Variants in TAFA2 observed in about 807,000 individuals in gnomAD.
TAFA2 encodes the protein TAFA chemokine like family member 2.
In TAFA2, 7 loss-of-function variants were observed where a neutral mutation model predicts 18.8. The observed-to-expected ratio is 0.37, with a 90% CI of 0.21 to 0.70. The LOEUF is 0.70. Among genes scored for constraint, TAFA2 ranks in the 30% least tolerant of loss-of-function variants. TAFA2 has a pLI of 0.53. For missense variants in TAFA2, 122 were observed against 158.1 expected (o/e 0.77, Z 1.23); for synonymous variants, 60 against 54.2 (o/e 1.11, Z -0.47).
rs141445667 is a variant in TAFA2, at chr12:61,772,077, A to G, written c.107-17053T>C. On this transcript the variant is annotated intron_variant, in intron 2 of 4. Coordinates refer to ENST00000416284, the MANE Select transcript of TAFA2 (RefSeq NM_178539.5). ...AACTGATACCACAGAAATACAAAAG[A>G]TCACTTAAGGATACTATAAACACCT... Among the ~76,000 whole-genome samples, 45 of 152,098 alleles carry G rather than the reference A, an allele frequency of 3.0e-4. No individual in the cohort carries two copies. In the East Asian group the frequency reaches 3.9e-3, roughly 13 times the overall value.
At chr12:62,076,776 T>G (rs2136812586) in intron 1 of TAFA2, among the ~76,000 whole-genome samples, 1 of 152,120 alleles carries the variant, frequency 6.6e-6, no homozygotes, top group East Asian at 1.9e-4. Flanking sequence ...AAGAAAGATA[T>G]AATTGATTTC....
chr12:61,959,689 A>G (rs1878816221), intron 1 of TAFA2, among the ~76,000 whole-genome samples: 1 of 152,108 alleles, frequency 6.6e-6, no homozygotes, highest in Non-Finnish European at 1.5e-5. Flanking sequence ...GGAGGTGGAA[A>G]GAGAGAACAT....
chr12:62,120,225 C>T (rs1490772950), intron 1 of TAFA2, among the ~76,000 whole-genome samples: 1 of 152,082 alleles, frequency 6.6e-6, no homozygotes, highest in Non-Finnish European at 1.5e-5. Context: ...CTAAAATAGG[C>T]CCATCTATGT....
intron 2 of TAFA2, among the ~76,000 whole-genome samples, chr12:61,819,728 T>C (rs1398443088): frequency 6.6e-6 from 1 of 152,130 alleles, no homozygotes; most frequent in East Asian, 1.9e-4. Context: ...AAAATGCATG[T>C]TTACTATCTA....
intron 1 of TAFA2, among the ~76,000 whole-genome samples, chr12:61,914,051 C>T (rs1408742579): frequency 1.3e-5 from 2 of 152,138 alleles, no homozygotes; most frequent in African/African-American, 2.4e-5. Context: ...CCCAATTGAC[C>T]TAACCCAGGG....
intron 1 of TAFA2, among the ~76,000 whole-genome samples, chr12:62,141,104 A>C (rs2062236304): frequency 6.6e-6 from 1 of 152,164 alleles, no homozygotes. Context: ...CAGAGAAGTT[A>C]AGTAAATTGT....
intron 1 of TAFA2, chr12:61,879,530 G>C (rs1875021922): frequency 8.4e-6 from 6 of 717,112 alleles, no homozygotes; most frequent in Non-Finnish European, 1.3e-5. Context: ...GTCAACCAGA[G>C]CCTGCTGAGG....
chr12:61,934,009 G>T (rs1877665158), intron 1 of TAFA2, among the ~76,000 whole-genome samples: 1 of 152,204 alleles, frequency 6.6e-6, no homozygotes, highest in Non-Finnish European at 1.5e-5. Context: ...TTTCAGAAAG[G>T]TTAAGTGACT....
chr12:61,859,043 A>T (rs950566177), intron 2 of TAFA2, among the ~76,000 whole-genome samples: 1 of 152,250 alleles, frequency 6.6e-6, no homozygotes, highest in African/African-American at 2.4e-5. Flanking sequence ...CAGATATATT[A>T]GTCCATTTTC....
chr12:61,879,201 C>T (rs1411429027), intron 1 of TAFA2: 1 of 338,178 alleles, frequency 3.0e-6, no homozygotes. Flanking sequence ...ATTCTTCCAG[C>T]TTCAGGCCCA....
At chr12:61,996,585 A>G (rs1231191338) in intron 1 of TAFA2, among the ~76,000 whole-genome samples, 1 of 152,190 alleles carries the variant, frequency 6.6e-6, no homozygotes, top group Non-Finnish European at 1.5e-5. Flanking sequence ...CCAATGTACT[A>G]TACACCAATT....
chr12:62,217,077 G>A (rs2062738822), intron 1 of TAFA2, among the ~76,000 whole-genome samples: 1 of 152,122 alleles, frequency 6.6e-6, no homozygotes, highest in East Asian at 1.9e-4. Context: ...ACCATGCCTG[G>A]TATTCTGGTA....
intron 1 of TAFA2, among the ~76,000 whole-genome samples, chr12:62,111,625 T>C (rs940279717): frequency 6.6e-6 from 1 of 152,202 alleles, no homozygotes; most frequent in Non-Finnish European, 1.5e-5. Flanking sequence ...ATAGTGTAAG[T>C]CTCTTTGTAG....
At chr12:62,175,336 C>T (rs756766177) in intron 1 of TAFA2, among the ~76,000 whole-genome samples, 13 of 152,142 alleles carry the variant, frequency 8.5e-5, no homozygotes, top group Non-Finnish European at 1.3e-4. Flanking sequence ...GGCTACTTCT[C>T]TGGGCCTTGG....
At chr12:61,864,041 C>T (rs1387039325) in intron 2 of TAFA2, among the ~76,000 whole-genome samples, 2 of 152,148 alleles carry the variant, frequency 1.3e-5, no homozygotes, top group Non-Finnish European at 2.9e-5. Context: ...GCTTCACTTG[C>T]TCTCATTCTC....
chr12:62,155,270 T>A (rs1013761025), intron 1 of TAFA2, among the ~76,000 whole-genome samples: 7 of 151,978 alleles, frequency 4.6e-5, no homozygotes, highest in Non-Finnish European at 1.0e-4. Context: ...CAAGTAAAAC[T>A]ACAAAATAAT....
intron 1 of TAFA2, among the ~76,000 whole-genome samples, chr12:62,169,850 CAAAAAAAAA>C (rs11373929): frequency 7.8e-5 from 7 of 90,126 alleles, no homozygotes; most frequent in African/African-American, 2.9e-4. Context: ...GACTCCGTCT[CAAAAAAAAA>C]AAAAAAAAAA....
intron 1 of TAFA2, among the ~76,000 whole-genome samples, chr12:62,176,756 A>G (rs889367964): frequency 6.6e-5 from 10 of 152,234 alleles, no homozygotes; most frequent in Non-Finnish European, 1.2e-4. Flanking sequence ...ACAATTCTAA[A>G]ATTGAAAAAG....
chr12:62,107,062 T>C (rs1476230404), intron 1 of TAFA2, among the ~76,000 whole-genome samples: 2 of 152,236 alleles, frequency 1.3e-5, no homozygotes, highest in East Asian at 1.9e-4. Context: ...CATTTTCTTA[T>C]ATTGTTAAGA....
Sources: allele counts gnomAD v4.1 joint callset (sites outside exome capture counted in the v4.1 genomes callset), GRCh38; gene constraint gnomAD v4.1.1; transcripts MANE v1.5; gene names NCBI Gene and HGNC (gene_info 2026-07-23, HGNC 2026-07-21).